MMS22L: variants seen among roughly 807,000 people sequenced by gnomAD.
MMS22L encodes MMS22 like, DNA repair protein.
Under a neutral mutation model 159.1 loss-of-function variants are expected in MMS22L, and 74 were observed. The observed-to-expected ratio is 0.47, with a 90% CI of 0.39 to 0.56. The LOEUF (loss-of-function observed/expected upper bound fraction) is 0.56. Among genes scored for constraint, MMS22L ranks in the 20% least tolerant of loss-of-function variants. The pLI is 0.00. For synonymous variants in MMS22L, 517 were observed against 506.9 expected, an observed-to-expected ratio of 1.02 and a Z score of -0.27; for missense variants, 1,351 against 1,422.1, an observed-to-expected ratio of 0.95 and a Z score of 0.80.
intron 22 of MMS22L, among the ~76,000 whole-genome samples, chr6:97,155,952 G>A (rs567258460): frequency 2.0e-5 from 3 of 152,260 alleles, no homozygotes; most frequent in African/African-American, 7.2e-5. Flanking sequence ...TCCCAACAGT[G>A]TGAAAGTGTT....
chr6:97,237,408 A>G (rs935062746), intron 11 of MMS22L, among the ~76,000 whole-genome samples: 1 of 152,180 alleles, frequency 6.6e-6, no homozygotes, highest in African/African-American at 2.4e-5. Flanking sequence ...TTCATTATTT[A>G]AAATACACTT....
At chr6:97,195,214 G>C (rs1330143607) in intron 14 of MMS22L, among the ~76,000 whole-genome samples, 1 of 152,138 alleles carries the variant, frequency 6.6e-6, no homozygotes, top group African/African-American at 2.4e-5. Context: ...AAGTGCAAAG[G>C]TGCTGGGCCT....
rs71012586 is a variant in MMS22L, at chr6:97,220,957, GACACACACACACACACACAC to G, written c.2039+7917_2039+7936del. On this transcript the variant is annotated intron_variant, in intron 14 of 24. Coordinates refer to ENST00000683635, the MANE Select transcript of MMS22L (RefSeq NM_001350599.2). ...AAAAACCATCCAAGATAAGACCCCT[GACACACACACACACACACAC>G]ACACACACACACACACACACACACA... Among the ~76,000 whole-genome samples, 7 of 143,604 alleles carry G rather than the reference GACACACACACACACACACAC, an allele frequency of 4.9e-5. No individual in the cohort carries two copies. In the East Asian group the frequency reaches 1.3e-3, roughly 26 times the overall value. The allele number at this position is 143,604 out of a possible 152,430, so 94.2% of individuals were successfully genotyped here.
At chr6:97,164,392 C>T (rs1802748937) in intron 21 of MMS22L, among the ~76,000 whole-genome samples, 2 of 151,176 alleles carry the variant, frequency 1.3e-5, no homozygotes, top group Non-Finnish European at 1.5e-5. Context: ...AAGCTAATTT[C>T]ATATAAAAAT....
chr6:97,283,562 T>G (rs1299916033), upstream of MMS22L: 1 of 152,252 alleles, frequency 6.6e-6, no homozygotes, highest in Non-Finnish European at 1.5e-5. Context: ...CCAGCAACTC[T>G]TGTTAGAATG....
At chr6:97,180,373 T>C (rs1804590118) in intron 16 of MMS22L, among the ~76,000 whole-genome samples, 2 of 152,188 alleles carry the variant, frequency 1.3e-5, no homozygotes, top group Admixed American at 6.5e-5. Flanking sequence ...GGTGCTGGGA[T>C]TACAGGCATG....
intron 14 of MMS22L, among the ~76,000 whole-genome samples, chr6:97,225,791 C>T (rs1042731008): frequency 9.2e-5 from 14 of 152,096 alleles, no homozygotes; most frequent in Middle Eastern, 3.2e-3. Flanking sequence ...CCAGGATGGT[C>T]TCATCTCCTG....
At chr6:97,257,097 C>G (rs147165766) in intron 9 of MMS22L, among the ~76,000 whole-genome samples, 11 of 152,230 alleles carry the variant, frequency 7.2e-5, no homozygotes, top group African/African-American at 2.6e-4. Flanking sequence ...CTGAATTTAT[C>G]TGATTAGCTT....
At chr6:97,250,899 T>C (rs897009644) in intron 10 of MMS22L, among the ~76,000 whole-genome samples, 1 of 152,150 alleles carries the variant, frequency 6.6e-6, no homozygotes, top group South Asian at 2.1e-4. Flanking sequence ...TACTTGTTAG[T>C]AGAATAAAGC....
chr6:97,151,859 G>T lies in MMS22L; in HGVS notation c.3394C>A (p.Leu1132Met), dbSNP rs1562389881. ...ATGTATTGCAGGTTCTCTGTGGCCA[G>T]CCTTTTAACTAGAAGGAAAAATTAC... is the stretch of plus-strand genomic sequence containing the variant. The part of the protein sequence containing the change: ...VLVSEPQVKR[L>M]ATENLQYMVK... Residue 1132 changes from leucine to methionine, a missense_variant, in exon 23 of 25, where the codon CTG (leucine) becomes ATG (methionine). By Grantham distance (15) the Leu-to-Met change is conservative (BLOSUM62 2). Coordinates refer to ENST00000683635, the MANE Select transcript of MMS22L (RefSeq NM_001350599.2). 6.2e-7 allele frequency: 1 copy of T among 1,613,348 alleles called. No individual in the cohort carries two copies. The highest frequency in any genetic ancestry group is 2.2e-5 in the East Asian group (1 of 44,856).
At chr6:97,146,925 C>T (rs1800952339) in intron 24 of MMS22L, 38 bp from the exon 25 acceptor site, 1 of 1,325,706 alleles carries the variant, frequency 7.5e-7, no homozygotes, top group African/African-American at 1.5e-5. Flanking sequence ...AATATATTAA[C>T]ATTTTCATTA....
intron 14 of MMS22L, among the ~76,000 whole-genome samples, chr6:97,226,297 T>C (rs1187771712): frequency 1.3e-5 from 2 of 152,160 alleles, no homozygotes; most frequent in Non-Finnish European, 2.9e-5. Flanking sequence ...TCATCTATTT[T>C]GTGTTTTAAA....
At chr6:97,199,495 C>G (rs1048346654) in intron 14 of MMS22L, among the ~76,000 whole-genome samples, 4 of 152,066 alleles carry the variant, frequency 2.6e-5, no homozygotes, top group Non-Finnish European at 4.4e-5. Context: ...ACAGATTGTA[C>G]CAATGTATAA....
At chr6:97,190,843 CTAACAGGGTTATTGTGAAGACCA>C (rs1276685299) in intron 14 of MMS22L, among the ~76,000 whole-genome samples, 1 of 152,136 alleles carries the variant, frequency 6.6e-6, no homozygotes, top group Non-Finnish European at 1.5e-5. Flanking sequence ...CTATATCCAC[CTAACAGGGTTATTGTGAAGACCA>C]CAGGAAATAA....
intron 10 of MMS22L, among the ~76,000 whole-genome samples, chr6:97,247,309 AC>A (rs1812765932): frequency 6.6e-6 from 1 of 152,242 alleles, no homozygotes; most frequent in East Asian, 1.9e-4. Context: ...TACTCAGTTC[AC>A]TTAATATTCA....
At chr6:97,230,725 A>G (rs1394761825) in intron 13 of MMS22L, 2 of 152,232 alleles carry the variant, frequency 1.3e-5, no homozygotes, top group African/African-American at 4.8e-5. Flanking sequence ...AAGCCATGTG[A>G]TTCTTGTAGA....
intron 9 of MMS22L, among the ~76,000 whole-genome samples, chr6:97,258,360 G>C (rs1183720207): frequency 6.6e-6 from 1 of 152,138 alleles, no homozygotes; most frequent in South Asian, 2.1e-4. Context: ...GCTTCATCCT[G>C]TAATCAGCCA....
intron 11 of MMS22L, among the ~76,000 whole-genome samples, chr6:97,236,819 C>T (rs932518047): frequency 4.0e-5 from 6 of 151,802 alleles, no homozygotes; most frequent in Non-Finnish European, 5.9e-5. Flanking sequence ...GTCATGGTGG[C>T]GGGTGCCTGT....
intron 14 of MMS22L, among the ~76,000 whole-genome samples, chr6:97,194,217 T>C (rs1206162): frequency 0.74 from 113,183 of 151,936 alleles, 42,810 homozygotes; most frequent in African/African-American, 0.88. Flanking sequence ...GCCACCATGC[T>C]CCGCTAATTT....
Sources: allele counts gnomAD v4.1 joint callset (sites outside exome capture counted in the v4.1 genomes callset), GRCh38; gene constraint gnomAD v4.1.1; transcripts MANE v1.5; gene names NCBI Gene and HGNC (gene_info 2026-07-23, HGNC 2026-07-21).